NINL: variants seen among roughly 807,000 people sequenced by gnomAD.
The protein encoded by NINL is ninein like.
NINL carries 153 observed loss-of-function variants against 160.3 expected under a neutral mutation model. The ratio of observed to expected loss-of-function variants is 0.95; its 90% CI spans 0.84 to 1.09. The LOEUF (loss-of-function observed/expected upper bound fraction) is 1.09. Ranked by LOEUF, NINL falls within the 50% of genes least tolerant of loss-of-function variation. The pLI is 0.00. For missense variants in NINL, 1,829 were observed against 1,764.0 expected, an observed-to-expected ratio of 1.04 and a Z score of -0.66; for synonymous variants, 800 against 734.8, an observed-to-expected ratio of 1.09 and a Z score of -1.43.
intron 5 of NINL, among the ~76,000 whole-genome samples, chr20:25,505,898 A>C (rs1454673235): frequency 6.6e-6 from 1 of 152,220 alleles, no homozygotes; most frequent in Non-Finnish European, 1.5e-5. Flanking sequence ...ATCTTGGGGG[A>C]AAATATCTGC....
chr20:25,479,387 C>T (rs1361581177), intron 15 of NINL, among the ~76,000 whole-genome samples, 181 bp from the exon 16 acceptor site: 1 of 152,200 alleles, frequency 6.6e-6, no homozygotes, highest in Non-Finnish European at 1.5e-5. Context: ...CTCCCCAGGG[C>T]CTAGTGAGGT....
rs76861233 is a variant in NINL, at chr20:25,466,587, G to A, written c.3423+802C>T. Among the ~76,000 whole-genome samples the A allele has an allele frequency of 1.2e-3, 188 of 152,018 alleles. 1 individual carries two copies. The highest frequency in any genetic ancestry group is 4.2e-3 in the African/African-American group (176 of 41,492). On this transcript the variant is annotated intron_variant, in intron 19 of 23. Transcript: ENST00000278886. Reference sequence around the variant, plus strand: ...GGCCAAGGCCAGCGGATAGCTTGAGGTCAGGAGTTCGAGACCGGCCTGGCC... The same window carrying A: ...GGCCAAGGCCAGCGGATAGCTTGAGATCAGGAGTTCGAGACCGGCCTGGCC...
chr20:25,459,385 C>CCTTCT (rs2090778330), intron 21 of NINL, among the ~76,000 whole-genome samples: 1 of 152,194 alleles, frequency 6.6e-6, no homozygotes, highest in Non-Finnish European at 1.5e-5. Flanking sequence ...CACTGTAAAG[C>CCTTCT]TCACCCTTCT....
At position 25,476,435 on chromosome 20, in the gene NINL, T is replaced by C. The variant is rs1202345846; in HGVS notation, c.2856A>G (p.Gln952=). 1 of 1,609,206 alleles carries C rather than the reference T, an allele frequency of 6.2e-7. No homozygotes were observed. The highest frequency in any genetic ancestry group is 8.5e-7 in the Non-Finnish European group (1 of 1,179,844). ...GTGGCTCCCACATCCGTGGCTGGGT[T>C]TGCGAGGCGTCTCTCTCTGTTCCCA... is the stretch of plus-strand genomic sequence containing the variant. ...PLLGTERDAS[Q]TQPRMWEPPL... is the part of the protein sequence containing the mutation. Residue 952 remains glutamine, a synonymous_variant, in exon 17 of 24, where the codon CAA becomes CAG. Transcript: ENST00000278886.
Position 25,477,068 on chromosome 20 carries a change from C to G in NINL, c.2223G>C (p.Leu741=), listed in dbSNP as rs765208921. The G allele has an allele frequency of 6.3e-7, 1 of 1,596,740 alleles. No individual in the cohort carries two copies. The highest frequency in any genetic ancestry group is 1.1e-5 in the South Asian group (1 of 90,506). The change falls in exon 17 of 24, where the codon CTG becomes CTC. Residue 741 remains leucine, a synonymous_variant. Coordinates refer to ENST00000278886, the MANE Select transcript of NINL (RefSeq NM_025176.6). ...CTCCCAGCCCCGACAGCTCTCCACT[C>G]AGCTCCGCCTCAGCCTCTCTCCTGT... ...QQIRREAEAE[L]SGELSGLGAL... is the part of the protein sequence containing the mutation.
rs202094444 is a variant in NINL, at chr20:25,476,090, G to A, written c.3201C>T (p.Asp1067=). 1.9e-4 allele frequency: 300 copies of A among 1,614,030 alleles called. No individual in the cohort carries two copies. The highest frequency in any genetic ancestry group is 2.4e-4 in the Non-Finnish European group (288 of 1,179,856). The change falls in exon 17 of 24, where the codon GAC becomes GAT. Residue 1067 remains aspartate, a synonymous_variant. Coordinates refer to ENST00000278886, the MANE Select transcript of NINL (RefSeq NM_025176.6). ...DMETKLLHLE[D]VVRALEKHVD... ...CATGTTTCTCCAGAGCCCGGACGAC[G>A]TCTTCCAGATGTAGAAGTTTGGTTT...
chr20:25,545,689 T>C (rs2064722681), intron 1 of NINL, among the ~76,000 whole-genome samples: 1 of 152,202 alleles, frequency 6.6e-6, no homozygotes, highest in South Asian at 2.1e-4. Flanking sequence ...AGATACCAGC[T>C]TGACTCTAGC....
chr20:25,534,390 C>T (rs140667695), intron 1 of NINL, among the ~76,000 whole-genome samples: 24 of 152,322 alleles, frequency 1.6e-4, no homozygotes, highest in Non-Finnish European at 3.2e-4. Context: ...GAACTGAAAA[C>T]AGCATCTCAA....
At chr20:25,527,292 T>C (rs1364071966) in intron 1 of NINL, among the ~76,000 whole-genome samples, 2 of 152,030 alleles carry the variant, frequency 1.3e-5, no homozygotes, top group Admixed American at 1.3e-4. Flanking sequence ...TAGCTGGGAC[T>C]ACAGGTGCAC....
At chr20:25,470,238 C>T (rs2063063375) in intron 17 of NINL, 143 bp from the exon 18 acceptor site, 1 of 667,416 alleles carries the variant, frequency 1.5e-6, no homozygotes, top group South Asian at 1.7e-5. Context: ...CATTCCTTTC[C>T]CTCTTCCTGC....
At chr20:25,511,188 C>T (rs527605069) in intron 4 of NINL, among the ~76,000 whole-genome samples, 60 of 152,284 alleles carry the variant, frequency 3.9e-4, no homozygotes, top group African/African-American at 1.4e-3. Flanking sequence ...GCTTGCAACA[C>T]GCCTCTCTGC....
chr20:25,486,907 A>G (rs2063514779), intron 13 of NINL, among the ~76,000 whole-genome samples: 1 of 152,236 alleles, frequency 6.6e-6, no homozygotes, highest in Admixed American at 6.5e-5. Context: ...CCAGCTTAAC[A>G]GACACATATT....
chr20:25,463,499 T>A (rs892943764), intron 19 of NINL, among the ~76,000 whole-genome samples: 2 of 152,192 alleles, frequency 1.3e-5, no homozygotes, highest in Non-Finnish European at 2.9e-5. Flanking sequence ...CAAACGTTCA[T>A]GAGGGGAACC....
At chr20:25,557,454 C>T (rs2064879443) in intron 1 of NINL, among the ~76,000 whole-genome samples, 1 of 151,806 alleles carries the variant, frequency 6.6e-6, no homozygotes, top group South Asian at 2.1e-4. Flanking sequence ...TTTCTTGAAC[C>T]CAGGAGGCGG....
rs1274620827 is a variant in NINL at position 25,577,979 on chromosome 20, T to A, written c.-12+7476A>T. Reference sequence around the variant, plus strand: ...TATGGAGTAGCTGGGATTACAGGCATGTACCACCACACCTGGCTAATTTTG... The same window carrying A: ...TATGGAGTAGCTGGGATTACAGGCAAGTACCACCACACCTGGCTAATTTTG... On this transcript the variant is annotated intron_variant, in intron 1 of 23. Transcript: ENST00000278886. 2.0e-5 allele frequency among the ~76,000 whole-genome samples: 3 copies of A among 152,108 alleles called. No homozygotes were observed. In the East Asian group the frequency reaches 5.8e-4, roughly 29 times the overall value.
intron 1 of NINL, among the ~76,000 whole-genome samples, chr20:25,538,391 G>A (rs2064598611): frequency 6.6e-6 from 1 of 152,134 alleles, no homozygotes; most frequent in Admixed American, 6.5e-5. Context: ...AACACTACAT[G>A]GTATATTTTT....
intron 22 of NINL, among the ~76,000 whole-genome samples, chr20:25,456,701 C>T (rs776953328): frequency 4.6e-5 from 7 of 152,196 alleles, no homozygotes; most frequent in East Asian, 3.9e-4. Flanking sequence ...GAGGCCAAGG[C>T]GGGTAGATCA....
chr20:25,584,920 A>G (rs1423062451), intron 1 of NINL, among the ~76,000 whole-genome samples: 10 of 152,266 alleles, frequency 6.6e-5, no homozygotes, highest in African/African-American at 2.4e-4. Context: ...AAAATTCGCA[A>G]CAGACTTCTA....
chr20:25,476,600 CGGGGCAGGGGCG>C lies in NINL; in HGVS notation c.2679_2690del (p.Pro895_Ala898del), dbSNP rs780263278. The C allele has an allele frequency of 5.6e-6, 9 of 1,597,988 alleles. No homozygotes were observed. The highest frequency in any genetic ancestry group is 7.6e-6 in the Non-Finnish European group (9 of 1,179,162). On this transcript the variant is annotated inframe_deletion, in exon 17 of 24. Coordinates refer to ENST00000278886, the MANE Select transcript of NINL (RefSeq NM_025176.6). The stretch of plus-strand genomic sequence containing the variant: ...ACCTCTCTGAGGGGCCGTGGGATGC[CGGGGCAGGGGCG>C]GGGGCCGGGCTCTGCGTAGCTTCTG...
Sources: allele counts gnomAD v4.1 joint callset (sites outside exome capture counted in the v4.1 genomes callset), GRCh38; gene constraint gnomAD v4.1.1; transcripts MANE v1.5; gene names NCBI Gene and HGNC (gene_info 2026-07-23, HGNC 2026-07-21).